GALNT13: variants seen among roughly 807,000 people sequenced by gnomAD.
GALNT13 encodes polypeptide N-acetylgalactosaminyltransferase 13.
In GALNT13, 28 loss-of-function variants were observed where a neutral mutation model predicts 64.2. The observed-to-expected ratio is 0.44, with a 90% CI of 0.32 to 0.60. The LOEUF (loss-of-function observed/expected upper bound fraction) is 0.60, where lower values mean the gene tolerates loss of function less well. GALNT13 is among the 20% of genes least tolerant of loss of function. The pLI is 0.05. For missense variants in GALNT13, 577 were observed against 669.8 expected (o/e 0.86, Z 1.53); for synonymous variants, 214 against 224.6 (o/e 0.95, Z 0.42).
intron 9 of GALNT13, among the ~76,000 whole-genome samples, chr2:154,384,721 G>C (rs970311945): frequency 2.6e-5 from 4 of 151,870 alleles, no homozygotes; most frequent in Non-Finnish European, 5.9e-5. Context: ...ATGTTCATGT[G>C]TTTCCTACCC....
At chr2:153,610,685 A>T in the GALNT13 span, among the ~76,000 whole-genome samples, 1 of 152,142 alleles carries the variant, frequency 6.6e-6, no homozygotes, top group African/African-American at 2.4e-5. Flanking sequence ...AATAAAAATA[A>T]AAATAAACAG....
intron 8 of GALNT13, among the ~76,000 whole-genome samples, chr2:154,277,935 C>T (rs1346909405): frequency 1.3e-5 from 2 of 152,158 alleles, no homozygotes; most frequent in African/African-American, 2.4e-5. Flanking sequence ...CCATGATACA[C>T]CTGCATGTGA....
the GALNT13 span, among the ~76,000 whole-genome samples, chr2:153,084,717 T>C: frequency 3.9e-5 from 6 of 152,176 alleles, no homozygotes; most frequent in African/African-American, 1.4e-4. Context: ...TCAGCCATGA[T>C]TGTGAGGCCT....
the GALNT13 span, among the ~76,000 whole-genome samples, chr2:153,263,736 C>G: frequency 6.6e-6 from 1 of 152,142 alleles, no homozygotes; most frequent in Non-Finnish European, 1.5e-5. Context: ...AGAGAACTGG[C>G]TAGCCATAGG....
intron 3 of GALNT13, among the ~76,000 whole-genome samples, chr2:153,961,618 C>T (rs918713275): frequency 6.6e-6 from 1 of 151,986 alleles, no homozygotes; most frequent in Non-Finnish European, 1.5e-5. Flanking sequence ...TTAGCAGACC[C>T]AACTTCATAG....
the GALNT13 span, among the ~76,000 whole-genome samples, chr2:153,198,621 G>T: frequency 4.6e-5 from 7 of 152,090 alleles, no homozygotes; most frequent in Non-Finnish European, 7.4e-5. Context: ...TCCCATTTTT[G>T]TTATTTCTTT....
chr2:153,575,771 G>A, the GALNT13 span, among the ~76,000 whole-genome samples: 1 of 152,088 alleles, frequency 6.6e-6, no homozygotes, highest in South Asian at 2.1e-4. Context: ...CTGGCCCAGG[G>A]CAGGTCCAGA....
At chr2:153,241,730 A>G in the GALNT13 span, among the ~76,000 whole-genome samples, 1 of 151,922 alleles carries the variant, frequency 6.6e-6, no homozygotes, top group Non-Finnish European at 1.5e-5. Flanking sequence ...ATTAATTGAA[A>G]AAAGGATTTG....
the GALNT13 span, among the ~76,000 whole-genome samples, chr2:153,764,499 G>A: frequency 3.3e-5 from 5 of 152,112 alleles, no homozygotes; most frequent in African/African-American, 1.2e-4. Context: ...TTGCACCATT[G>A]CACTACAGCC....
At chr2:154,088,480 T>A (rs1701642321) in intron 3 of GALNT13, among the ~76,000 whole-genome samples, 2 of 152,146 alleles carry the variant, frequency 1.3e-5, no homozygotes, top group Admixed American at 1.3e-4. Context: ...AGGCGGAGTT[T>A]TGCTCTTGTT....
chr2:153,085,744 G>A, the GALNT13 span, among the ~76,000 whole-genome samples: 1 of 152,188 alleles, frequency 6.6e-6, no homozygotes, highest in Non-Finnish European at 1.5e-5. Flanking sequence ...GAAGAGAAAT[G>A]TGGGGTTGGA....
the GALNT13 span, among the ~76,000 whole-genome samples, chr2:153,807,598 A>G: frequency 5.2e-4 from 79 of 152,196 alleles, no homozygotes; most frequent in Non-Finnish European, 9.4e-4. Context: ...TGTGTATGCC[A>G]GACCTTTTCC....
At chr2:153,475,775 A>C in the GALNT13 span, among the ~76,000 whole-genome samples, 2 of 152,108 alleles carry the variant, frequency 1.3e-5, no homozygotes, top group Non-Finnish European at 2.9e-5. Context: ...TGAGCTAATA[A>C]ATCTTCCAGA....
the GALNT13 span, among the ~76,000 whole-genome samples, chr2:153,752,583 G>C: frequency 6.6e-6 from 1 of 152,122 alleles, no homozygotes; most frequent in Non-Finnish European, 1.5e-5. Flanking sequence ...CTTCTGGCCT[G>C]TAAGGTTTCC....
At chr2:154,020,925 C>T (rs963438479) in intron 3 of GALNT13, among the ~76,000 whole-genome samples, 30 of 152,166 alleles carry the variant, frequency 2.0e-4, no homozygotes, top group African/African-American at 6.7e-4. Flanking sequence ...ATATGGCTAG[C>T]CAGTTTTCCC....
the GALNT13 span, among the ~76,000 whole-genome samples, chr2:153,276,716 A>G: frequency 1.4e-4 from 22 of 151,848 alleles, no homozygotes; most frequent in Non-Finnish European, 2.8e-4. Context: ...CCCCTCTTAT[A>G]TTGGATGTTT....
chr2:154,162,038 C>T (rs2105668237), intron 4 of GALNT13, among the ~76,000 whole-genome samples: 2 of 152,302 alleles, frequency 1.3e-5, no homozygotes, highest in Middle Eastern at 6.8e-3. Context: ...GTCTCGGCCT[C>T]CCAAAGTGGT....
chr2:154,111,636 C>T (rs1361687228), intron 3 of GALNT13, among the ~76,000 whole-genome samples: 1 of 152,158 alleles, frequency 6.6e-6, no homozygotes, highest in Admixed American at 6.6e-5. Flanking sequence ...GCTAGTAGAT[C>T]ACTAGAGGTG....
At chr2:153,947,880 G>GT (rs1338296767) in intron 3 of GALNT13, among the ~76,000 whole-genome samples, 1 of 152,062 alleles carries the variant, frequency 6.6e-6, no homozygotes, top group Non-Finnish European at 1.5e-5. Context: ...AAGGGGTCCA[G>GT]TTTCAATTTT....
Sources: gnomAD v4.1 joint callset for allele counts (sites outside exome capture counted in the v4.1 genomes callset) on GRCh38, gnomAD v4.1.1 for gene constraint, MANE v1.5 for transcripts, NCBI Gene and HGNC (gene_info 2026-07-23, HGNC 2026-07-21) for gene names.